The following INTS1 variants were observed in gnomAD, a reference collection of about 807,000 sequenced individuals.
INTS1 encodes the protein integrator complex subunit 1.
A neutral mutation model predicts 241.6 loss-of-function variants in INTS1; 137 were observed. The observed-to-expected ratio is 0.57, with a 90% CI of 0.49 to 0.65. The LOEUF (loss-of-function observed/expected upper bound fraction) is 0.65, where lower values mean the gene tolerates loss of function less well. INTS1 is among the 30% of genes least tolerant of loss of function. The probability of loss-of-function intolerance (pLI) is 0.00; values close to 1 mark genes in which losing one functional copy is unlikely to be tolerated. For missense variants in INTS1, 3,073 were observed against 3,032.2 expected (o/e 1.01, Z -0.32); for synonymous variants, 1,692 against 1,337.8 (o/e 1.26, Z -5.78).
intron 40 of INTS1, 35 bp from the exon 41 acceptor site, chr7:1,474,395 C>CG: frequency 6.5e-7 from 1 of 1,546,018 alleles, no homozygotes; most frequent in East Asian, 2.3e-5. Flanking sequence ...CAGCCCCGGC[C>CG]GGCGGGCTCA....
chr7:1,478,905 C>T lies in INTS1; in HGVS notation c.4330-20G>A, dbSNP rs200420705. 609 of 1,584,372 alleles carry T rather than the reference C, an allele frequency of 3.8e-4. 1 individual carries two copies. In the African/African-American group the frequency reaches 7.3e-3, roughly 19 times the overall value. On this transcript the variant is annotated intron_variant, in intron 31 of 47. Transcript: ENST00000404767. ...ACAGCGCTGCGGGGACAAAGTGGCA[C>T]GTGGCTACCCTGGCAGAGGACACAC...
intron 26 of INTS1, 72 bp from the exon 27 acceptor site, chr7:1,482,779 G>C: frequency 6.5e-7 from 1 of 1,539,016 alleles, no homozygotes; most frequent in Non-Finnish European, 8.8e-7. Flanking sequence ...CTGGTGCCAA[G>C]GCTAGAGGCA....
chr7:1,500,657 C>T (rs2128545110), intron 3 of INTS1, among the ~76,000 whole-genome samples: 1 of 152,346 alleles, frequency 6.6e-6, no homozygotes. Context: ...CCCAGCAAGC[C>T]AGGCCACCTG....
intron 43 of INTS1, 52 bp downstream of exon 43, chr7:1,473,020 C>G (rs1029732732): frequency 3.9e-6 from 5 of 1,272,516 alleles, no homozygotes; most frequent in Non-Finnish European, 5.6e-6. Context: ...AAACCAGGCC[C>G]TGTAGGACTG....
chr7:1,492,406 C>T (rs1782599966), intron 16 of INTS1, among the ~76,000 whole-genome samples: 1 of 152,110 alleles, frequency 6.6e-6, no homozygotes, highest in Non-Finnish European at 1.5e-5. Flanking sequence ...ACAGAGGTGA[C>T]GGCAGGTGAG....
rs2128543307 is a variant in INTS1 at position 1,497,369 on chromosome 7, A to G, written c.1426-55T>C. Reference sequence around the variant, plus strand: ...TGCCCGACAGTGCTGTCCCTGTCACAGGCCCCTTCCCGCAGCACCAACAGG... The same window carrying G: ...TGCCCGACAGTGCTGTCCCTGTCACGGGCCCCTTCCCGCAGCACCAACAGG... On this transcript the variant is annotated intron_variant, in intron 10 of 47. Transcript: ENST00000404767. The surrounding 1 kb of genome is among the most constrained non-coding windows in gnomAD (Gnocchi z 5.3). 4 of 1,550,760 alleles carry G rather than the reference A, an allele frequency of 2.6e-6. No individual in the cohort carries two copies. In the Admixed American group the frequency reaches 5.6e-5, roughly 22 times the overall value.
intron 26 of INTS1, 180 bp downstream of exon 26, chr7:1,483,553 ACCAAGTGCT>A (rs1400680259): frequency 1.6e-6 from 1 of 635,708 alleles, no homozygotes; most frequent in Non-Finnish European, 2.9e-6. Context: ...CCACACGTCC[ACCAAGTGCT>A]CAGAGACACG....
At chr7:1,479,883 C>T (rs1281720486) in intron 30 of INTS1, among the ~76,000 whole-genome samples, 199 bp from the exon 31 acceptor site, 3 of 152,202 alleles carry the variant, frequency 2.0e-5, no homozygotes, top group African/African-American at 7.2e-5. Flanking sequence ...GACCCCAACA[C>T]CCAGGAGCTG....
intron 8 of INTS1, 32 bp downstream of exon 8, chr7:1,498,943 G>GGCCCCCCCCC: frequency 9.3e-7 from 1 of 1,070,746 alleles, no homozygotes; most frequent in Non-Finnish European, 1.3e-6. Flanking sequence ...CCCACCCCCT[G>GGCCCCCCCCC]CCCCGCCCAC....
chr7:1,480,153 G>A (rs1216974962), intron 30 of INTS1, among the ~76,000 whole-genome samples, 164 bp downstream of exon 30: 2 of 152,270 alleles, frequency 1.3e-5, no homozygotes, highest in Non-Finnish European at 2.9e-5. Context: ...AAAGCAGCGT[G>A]CCAGGGTCAG....
At position 1,470,307 on chromosome 7, in the gene INTS1, C is replaced by A. The variant is rs950305377; in HGVS notation, c.*270G>T. 4 of 450,384 alleles carry A rather than the reference C, an allele frequency of 8.9e-6. No individual in the cohort carries two copies. The highest frequency in any genetic ancestry group is 1.2e-5 in the Non-Finnish European group (3 of 254,662). The allele number at this position is 450,384 out of a possible 1,614,324, so 27.9% of individuals were successfully genotyped here. On this transcript the variant is annotated 3_prime_UTR_variant, in exon 48 of 48. Coordinates refer to ENST00000404767, the MANE Select transcript of INTS1 (RefSeq NM_001080453.3). ...TTCAGGTCGTTTCATTCAAAACCAGCCCAGGCCATGCCCGGGGGGATCCGC... is the reference window on the plus strand; with the variant it reads ...TTCAGGTCGTTTCATTCAAAACCAGACCAGGCCATGCCCGGGGGGATCCGC...
rs904060977 is a variant in INTS1 at position 1,474,977 on chromosome 7, A to G, written c.5503-139T>C. 5.1e-6 allele frequency: 6 copies of G among 1,165,778 alleles called. No homozygotes were observed. In the African/African-American group the frequency reaches 9.3e-5, roughly 18 times the overall value. 72.2% of individuals were successfully genotyped at this position (1,165,778 alleles called of 1,614,324 possible). On this transcript the variant is annotated intron_variant, in intron 39 of 47. Transcript: ENST00000404767. ...GAGGAACTGGCTCCTTACGGCTTCC[A>G]TGAGCACCTCGGGAGGGCAGGCAGG...
In INTS1 at chr7:1,495,453, G is replaced by C; in HGVS notation, c.1812C>G (p.Ala604=). The C allele has an allele frequency of 6.2e-7, 1 of 1,612,420 alleles. No individual in the cohort carries two copies. The highest frequency in any genetic ancestry group is 8.5e-7 in the Non-Finnish European group (1 of 1,179,678). ...CGCACCAGTGCACGTAGTCCTTAGGGGCGAGCTTGCTGATGGAGGGGACCA... is the reference window on the plus strand; with the variant it reads ...CGCACCAGTGCACGTAGTCCTTAGGCGCGAGCTTGCTGATGGAGGGGACCA... ...HTVVPSISKL[A]PKDYVHCLHK... Residue 604 remains alanine, a synonymous_variant, in exon 13 of 48, where the codon GCC becomes GCG. Coordinates refer to ENST00000404767, the MANE Select transcript of INTS1 (RefSeq NM_001080453.3).
rs368030364 is a variant in INTS1 at position 1,496,271 on chromosome 7, G to A, written c.1603-7C>T. On this transcript the variant is annotated splice_region_variant and splice_polypyrimidine_tract_variant and intron_variant, in intron 11 of 47. Transcript: ENST00000404767. The stretch of plus-strand genomic sequence containing the variant: ...TGTGCACCACGAAGCGCTCCTGCAG[G>A]TGCAGCACGGGGTCTGTATCCAGAA... The A allele has an allele frequency of 4.8e-5, 77 of 1,613,004 alleles. No individual in the cohort carries two copies. In the African/African-American group the frequency reaches 9.7e-4, roughly 20 times the overall value.
chr7:1,487,836 C>T lies in INTS1; in HGVS notation c.2440G>A (p.Ala814Thr), dbSNP rs1782346533. 1 of 1,613,380 alleles carries T rather than the reference C, an allele frequency of 6.2e-7. No individual in the cohort carries two copies. The highest frequency in any genetic ancestry group is 8.5e-7 in the Non-Finnish European group (1 of 1,179,858). The change falls in exon 19 of 48, where the codon GCG becomes ACG. Residue 814 changes from alanine to threonine, a missense_variant. Coordinates refer to ENST00000404767, the MANE Select transcript of INTS1 (RefSeq NM_001080453.3). Reference sequence around the variant, plus strand: ...ATGGTCTGCTTGGTGGACGCGGCCGCCAGGTGCCCCTCGAAGGCCAGGATC... The same window carrying T: ...ATGGTCTGCTTGGTGGACGCGGCCGTCAGGTGCCCCTCGAAGGCCAGGATC... ...QEILAFEGHL[A>T]AASTKQTITE...
In INTS1 at chr7:1,472,259, AGGGCCT is replaced by A; in HGVS notation, c.6184+8_6184+13del. The A allele has an allele frequency of 6.5e-7, 1 of 1,538,054 alleles. No individual in the cohort carries two copies. Among genetic ancestry groups the A allele is most frequent in the Non-Finnish European group, 8.8e-7 (1 of 1,135,876 alleles). The stretch of plus-strand genomic sequence containing the variant: ...GGCGCTGACCTGGCGTGGGTGAAGC[AGGGCCT>A]GACTCACCCTCCACCGTTTGGCCCC... On this transcript the variant is annotated splice_region_variant and intron_variant, in intron 44 of 47. Coordinates refer to ENST00000404767, the MANE Select transcript of INTS1 (RefSeq NM_001080453.3).
At position 1,476,790 on chromosome 7, in the gene INTS1, C is replaced by T; in HGVS notation, c.5063+4G>A. ...GCCCAGGTTGGGGACAGGGAGGCGC[C>T]CACCTCTGTTCCCGGCTCTTGCCCA... On this transcript the variant is annotated splice_donor_region_variant and intron_variant, in intron 36 of 47. Transcript: ENST00000404767. 1 of 1,612,714 alleles carries T rather than the reference C, an allele frequency of 6.2e-7. No homozygotes were observed. The highest frequency in any genetic ancestry group is 2.2e-5 in the East Asian group (1 of 44,894).
chr7:1,470,599 A>G lies in INTS1; in HGVS notation c.6551T>C (p.Leu2184Pro). The G allele has an allele frequency of 1.3e-6, 2 of 1,577,588 alleles. No individual in the cohort carries two copies. The highest frequency in any genetic ancestry group is 1.7e-6 in the Non-Finnish European group (2 of 1,162,588). The change falls in exon 48 of 48, where the codon CTG becomes CCG. Residue 2184 changes from leucine (L) to proline (P), a missense_variant. Leu to Pro is a moderately conservative substitution (Grantham distance 98). Coordinates refer to ENST00000404767, the MANE Select transcript of INTS1 (RefSeq NM_001080453.3). The stretch of plus-strand genomic sequence containing the variant: ...GGCTCACATCACGGCCTCCATATGC[A>G]GGATCCTCAGGGCCTCGGAGATCTG... The part of the protein sequence containing the change: ...SAQISEALRI[L>P]HMEAVM
At chr7:1,473,461 G>T in intron 42 of INTS1, 105 bp downstream of exon 42, 1 of 1,379,974 alleles carries the variant, frequency 7.2e-7, no homozygotes, top group Non-Finnish European at 9.9e-7. Flanking sequence ...CCCGGCCTCA[G>T]GAGCAGCATA....
Sources: gnomAD v4.1 joint callset for allele counts (sites outside exome capture counted in the v4.1 genomes callset) on GRCh38, gnomAD v4.1.1 for gene constraint, Gnocchi (gnomAD v3.1) non-coding constraint, MANE v1.5 for transcripts, NCBI Gene and HGNC (gene_info 2026-07-23, HGNC 2026-07-21) for gene names.